Variants in TOX observed in about 807,000 individuals in gnomAD.
TOX encodes the protein thymocyte selection-associated high mobility group box protein TOX.
A neutral mutation model predicts 53.7 loss-of-function variants in TOX; 11 were observed. The ratio of observed to expected loss-of-function variants is 0.20; its 90% CI spans 0.13 to 0.34. The LOEUF (loss-of-function observed/expected upper bound fraction) is 0.34. Among genes scored for constraint, TOX ranks in the 10% least tolerant of loss-of-function variants. The pLI, the probability that TOX is intolerant of heterozygous loss-of-function variation, is 1.00. For synonymous variants in TOX, 225 were observed against 245.3 expected, an observed-to-expected ratio of 0.92 and a Z score of 0.77; for missense variants, 570 against 664.6, an observed-to-expected ratio of 0.86 and a Z score of 1.56.
At chr8:59,094,823 T>G (rs1804687516) in intron 1 of TOX, among the ~76,000 whole-genome samples, 1 of 152,288 alleles carries the variant, frequency 6.6e-6, no homozygotes, top group African/African-American at 2.4e-5. Flanking sequence ...CATTTCCATA[T>G]GCAACCCTAA....
At chr8:58,921,423 G>T (rs1389173304) in intron 3 of TOX, among the ~76,000 whole-genome samples, 2 of 152,120 alleles carry the variant, frequency 1.3e-5, no homozygotes, top group Non-Finnish European at 1.5e-5. Context: ...ATGACAATTT[G>T]CCAAAATCCA....
chr8:58,860,238 A>C lies in TOX; in HGVS notation c.412-8433T>G, dbSNP rs142445106. Among the ~76,000 whole-genome samples the C allele has an allele frequency of 3.0e-3, 453 of 152,004 alleles. 1 individual carries two copies. Among genetic ancestry groups the C allele is most frequent in the African/African-American group, 8.7e-3 (361 of 41,476 alleles). The stretch of plus-strand genomic sequence containing the variant: ...CAACTTCTTTAACCCTCATTTTTCA[A>C]CTCATAAAAAGAGGATAATTTTTCA... On this transcript the variant is annotated intron_variant, in intron 3 of 8. Coordinates refer to ENST00000361421, the MANE Select transcript of TOX (RefSeq NM_014729.3).
intron 1 of TOX, among the ~76,000 whole-genome samples, chr8:59,092,370 A>C (rs6981360): frequency 0.024 from 3,259 of 133,120 alleles, 181 homozygotes; most frequent in African/African-American, 0.095. Context: ...TATATATAAT[A>C]AAAAATAAAA....
chr8:59,004,268 C>T (rs1306685091), intron 1 of TOX, among the ~76,000 whole-genome samples: 1 of 152,182 alleles, frequency 6.6e-6, no homozygotes, highest in Non-Finnish European at 1.5e-5. Flanking sequence ...TGCAGTATTC[C>T]ATGTTCTAAT....
intron 1 of TOX, among the ~76,000 whole-genome samples, chr8:59,087,803 G>C (rs1804539720): frequency 6.6e-6 from 1 of 152,190 alleles, no homozygotes; most frequent in Non-Finnish European, 1.5e-5. Flanking sequence ...CCCAGTTATG[G>C]GGTTTGATTT....
At chr8:58,884,087 A>G (rs1403928749) in intron 3 of TOX, among the ~76,000 whole-genome samples, 1 of 152,178 alleles carries the variant, frequency 6.6e-6, no homozygotes, top group African/African-American at 2.4e-5. Flanking sequence ...CTTCAAGCAG[A>G]AAGAAAGAAA....
chr8:58,890,595 G>A (rs1407249385), intron 3 of TOX, among the ~76,000 whole-genome samples: 2 of 152,156 alleles, frequency 1.3e-5, no homozygotes, highest in African/African-American at 4.8e-5. Flanking sequence ...GGGCAACAGT[G>A]TCATATAACT....
At chr8:59,096,301 AT>A (rs1200732462) in intron 1 of TOX, among the ~76,000 whole-genome samples, 5 of 152,196 alleles carry the variant, frequency 3.3e-5, no homozygotes, top group African/African-American at 1.2e-4. Flanking sequence ...CTGAATCCTT[AT>A]TATGCAGAGA....
In TOX at chr8:59,118,349, A is replaced by G. The variant is rs777913462; in HGVS notation, c.102+537T>C. ...GCTGCCGGAACCGGTTTGAGAAAAC[A>G]AAAGAGTTGTGGGGCAGTTTTCCCT... On this transcript the variant is annotated intron_variant, in intron 1 of 8. Transcript: ENST00000361421. The surrounding 1 kb of genome is among the most constrained non-coding windows in gnomAD (Gnocchi z 4.1). Among the ~76,000 whole-genome samples, 15 of 151,316 alleles carry G rather than the reference A, an allele frequency of 9.9e-5. No homozygotes were observed. Among genetic ancestry groups the G allele is most frequent in the Admixed American group, 9.2e-4 (14 of 15,174 alleles).
intron 3 of TOX, among the ~76,000 whole-genome samples, chr8:58,879,740 A>T (rs1348016239): frequency 2.0e-5 from 3 of 152,134 alleles, no homozygotes; most frequent in African/African-American, 7.2e-5. Flanking sequence ...AAACAAAACC[A>T]AACCCTGGTT....
intron 1 of TOX, among the ~76,000 whole-genome samples, chr8:58,995,117 A>G (rs1370245347): frequency 6.6e-6 from 1 of 152,180 alleles, no homozygotes; most frequent in Non-Finnish European, 1.5e-5. Context: ...TTCATCACCA[A>G]TATCACCACC....
At chr8:58,940,126 T>C (rs1292704012) in intron 2 of TOX, among the ~76,000 whole-genome samples, 1 of 152,218 alleles carries the variant, frequency 6.6e-6, no homozygotes, top group East Asian at 1.9e-4. Context: ...GCTATTTTTA[T>C]CGCAAAGATC....
chr8:58,820,863 T>G (rs1251272285), intron 6 of TOX, among the ~76,000 whole-genome samples: 2 of 152,204 alleles, frequency 1.3e-5, no homozygotes, highest in Non-Finnish European at 2.9e-5. Flanking sequence ...TTCTGGTCTA[T>G]GTGGTAAAAT....
intron 1 of TOX, among the ~76,000 whole-genome samples, chr8:59,009,091 C>T (rs1356008510): frequency 1.3e-5 from 2 of 150,756 alleles, no homozygotes; most frequent in Non-Finnish European, 3.0e-5. Flanking sequence ...CCCTCTCTTC[C>T]TCCCTCCCTT....
chr8:58,926,419 T>C (rs772316090), intron 3 of TOX, among the ~76,000 whole-genome samples: 84 of 152,240 alleles, frequency 5.5e-4, no homozygotes, highest in Non-Finnish European at 1.1e-3. Context: ...CGTCAATTTA[T>C]CATTCTTGAA....
intron 3 of TOX, among the ~76,000 whole-genome samples, chr8:58,874,583 T>C (rs1811254889): frequency 6.6e-6 from 1 of 152,098 alleles, no homozygotes; most frequent in Non-Finnish European, 1.5e-5. Context: ...AAAATCTCAA[T>C]AGAGGTTGCA....
chr8:58,967,632 A>G (rs1388198198), intron 1 of TOX, among the ~76,000 whole-genome samples: 2 of 152,126 alleles, frequency 1.3e-5, no homozygotes, highest in Non-Finnish European at 2.9e-5. Context: ...GTGCAGGGAA[A>G]TTTCCTATTG....
chr8:59,003,114 A>G (rs558084828), intron 1 of TOX, among the ~76,000 whole-genome samples: 3 of 152,370 alleles, frequency 2.0e-5, no homozygotes, highest in South Asian at 4.1e-4. Flanking sequence ...TTCATTTTAA[A>G]TAGACAAAAG....
intron 1 of TOX, among the ~76,000 whole-genome samples, chr8:59,005,968 C>T (rs751575207): frequency 1.3e-4 from 20 of 152,192 alleles, no homozygotes; most frequent in African/African-American, 2.4e-4. Flanking sequence ...GATCATTTTA[C>T]GCACGGCCCT....
Sources: allele counts gnomAD v4.1 joint callset (sites outside exome capture counted in the v4.1 genomes callset), GRCh38; gene constraint gnomAD v4.1.1; non-coding constraint Gnocchi (gnomAD v3.1); transcripts MANE v1.5; gene names NCBI Gene and HGNC (gene_info 2026-07-23, HGNC 2026-07-21).